DPH6: variants seen among roughly 807,000 people sequenced by gnomAD.
DPH6 encodes diphthamine biosynthesis 6, also known as diphthine--ammonia ligase.
In DPH6, 33 loss-of-function variants were observed where a neutral mutation model predicts 38.2. The ratio of observed to expected loss-of-function variants is 0.86; its 90% CI spans 0.65 to 1.15. DPH6 has a LOEUF of 1.15. Among genes scored for constraint, DPH6 ranks in the 50% most tolerant of loss-of-function variants. The pLI, the probability that DPH6 is intolerant of heterozygous loss-of-function variation, is 0.00. For missense variants in DPH6, 325 were observed against 320.0 expected (o/e 1.02, Z -0.12); for synonymous variants, 108 against 103.0 (o/e 1.05, Z -0.30).
At chr15:35,358,105 G>A (rs1309240443) in intron 3 of DPH6, among the ~76,000 whole-genome samples, 1 of 152,082 alleles carries the variant, frequency 6.6e-6, no homozygotes, top group Non-Finnish European at 1.5e-5. Flanking sequence ...CTGTGTCTTT[G>A]TTGGATTGGT....
rs952117813 is a variant in DPH6 at position 35,292,174 on chromosome 15, T to C, written n.201-71592A>G. On this transcript the variant is annotated intron_variant and non_coding_transcript_variant, in intron 3 of 3. Coordinates refer to the DPH6 transcript ENST00000560386. ...TAAATCATTTATTTTTTGATGAAAA[T>C]TTGGGAAAAAATTGCCATGCTAAAA... 5.3e-5 allele frequency among the ~76,000 whole-genome samples: 8 copies of C among 152,098 alleles called. No homozygotes were observed. In the East Asian group the frequency reaches 1.5e-3, roughly 29 times the overall value.
intron 6 of DPH6, among the ~76,000 whole-genome samples, chr15:35,386,454 A>G (rs1566890330): frequency 6.6e-6 from 1 of 151,600 alleles, no homozygotes; most frequent in Non-Finnish European, 1.5e-5. Context: ...ACTAGTTTAC[A>G]GTCCCAACAG....
chr15:35,361,867 T>C (rs543543176), intron 3 of DPH6, among the ~76,000 whole-genome samples: 2 of 151,932 alleles, frequency 1.3e-5, no homozygotes, highest in Non-Finnish European at 2.9e-5. Context: ...TAATGTTTTC[T>C]TACAGCACAT....
the DPH6 span, among the ~76,000 whole-genome samples, chr15:35,181,545 A>G: frequency 4.0e-3 from 613 of 152,036 alleles, 3 homozygotes; most frequent in Admixed American, 8.1e-3. Context: ...GACTTAATCA[A>G]TTGAGATTAT....
At chr15:35,215,169 T>G (rs1461482616), downstream of DPH6, among the ~76,000 whole-genome samples, 1 of 152,180 alleles carries the variant, frequency 6.6e-6, no homozygotes, top group Non-Finnish European at 1.5e-5. Flanking sequence ...AGTGGGCAAA[T>G]GCACAAGATA....
chr15:35,405,976 C>G (rs1197874596), intron 6 of DPH6, among the ~76,000 whole-genome samples: 2 of 151,890 alleles, frequency 1.3e-5, no homozygotes, highest in Admixed American at 1.3e-4. Context: ...CACTGGAAGA[C>G]TTTTCATTAT....
At chr15:35,290,470 A>T (rs2051973028) in intron 3 of DPH6, among the ~76,000 whole-genome samples, 1 of 152,330 alleles carries the variant, frequency 6.6e-6, no homozygotes, top group Non-Finnish European at 1.5e-5. Context: ...TTAATGAAAG[A>T]ACATGTCAGA....
chr15:35,182,777 G>C, the DPH6 span, among the ~76,000 whole-genome samples: 1 of 152,100 alleles, frequency 6.6e-6, no homozygotes, highest in Admixed American at 6.5e-5. Flanking sequence ...TAGGTTACAA[G>C]AAATTGGGTA....
chr15:35,154,441 G>A, the DPH6 span, among the ~76,000 whole-genome samples: 1 of 152,252 alleles, frequency 6.6e-6, no homozygotes, highest in Admixed American at 6.5e-5. Flanking sequence ...TCGTCGCTGT[G>A]AGGATTAAAT....
At position 35,517,417 on chromosome 15, in the gene DPH6, GA is replaced by G. The variant is rs138116127; in HGVS notation, c.312+20856del. 2.5e-3 allele frequency among the ~76,000 whole-genome samples: 377 copies of G among 152,050 alleles called. 1 individual carries two copies. Among genetic ancestry groups the G allele is most frequent in the African/African-American group, 8.5e-3 (355 of 41,524 alleles). ...CTTAGTTTGGTACTCTCATTGCAAA[GA>G]AAAAATACCTTATTCAATTTTTTTC... On this transcript the variant is annotated intron_variant, in intron 3 of 8. Coordinates refer to ENST00000256538, the MANE Select transcript of DPH6 (RefSeq NM_080650.4).
In DPH6 at chr15:35,447,404, T is replaced by C. The variant is rs540738806; in HGVS notation, c.505+3281A>G. ...GTTACAGCTCTCCACAGAACTTGAA[T>C]TCACTTATAATGCCTTTCTATCTCT... On this transcript the variant is annotated intron_variant, in intron 5 of 8. Transcript: ENST00000256538. 3.3e-5 allele frequency among the ~76,000 whole-genome samples: 5 copies of C among 152,276 alleles called. No homozygotes were observed. In the South Asian group the frequency reaches 1.0e-3, roughly 32 times the overall value.
chr15:35,520,230 CA>C (rs879230191), intron 3 of DPH6: 50 of 373,872 alleles, frequency 1.3e-4, no homozygotes, highest in Admixed American at 2.7e-4. Context: ...CAAAAAAAAA[CA>C]AAAAAAAAAC....
At chr15:35,457,198 G>A (rs981945341) in intron 3 of DPH6, among the ~76,000 whole-genome samples, 2 of 151,284 alleles carry the variant, frequency 1.3e-5, no homozygotes, top group Admixed American at 1.3e-4. Context: ...CAACTGATCT[G>A]CCCGCCTTGG....
intron 5 of DPH6, among the ~76,000 whole-genome samples, chr15:35,444,890 A>G (rs1040615883): frequency 3.7e-5 from 3 of 81,468 alleles, no homozygotes; most frequent in Non-Finnish European, 1.2e-4. Flanking sequence ...CAAGACCATT[A>G]CTAAAAATGC....
chr15:35,446,067 T>C (rs2053848382), intron 5 of DPH6, among the ~76,000 whole-genome samples: 1 of 152,160 alleles, frequency 6.6e-6, no homozygotes, highest in Non-Finnish European at 1.5e-5. Flanking sequence ...AGAAAAGTCA[T>C]GACATTATAA....
chr15:35,298,906 C>A, intron 3 of DPH6: 1 of 855,420 alleles, frequency 1.2e-6, no homozygotes, highest in Non-Finnish European at 2.0e-6. Flanking sequence ...TCTTTTACTG[C>A]CAGAGAAGTG....
the DPH6 span, among the ~76,000 whole-genome samples, chr15:35,161,231 G>A: frequency 3.2e-4 from 49 of 151,966 alleles, no homozygotes; most frequent in African/African-American, 1.1e-3. Context: ...TAGTATTCTT[G>A]TTGCCTCAGG....
intron 5 of DPH6, among the ~76,000 whole-genome samples, chr15:35,435,028 C>G (rs1239805925): frequency 6.6e-6 from 1 of 151,766 alleles, no homozygotes; most frequent in Non-Finnish European, 1.5e-5. Flanking sequence ...CCCACCTGAG[C>G]CTCCCAAAGA....
intron 3 of DPH6, among the ~76,000 whole-genome samples, chr15:35,522,708 A>C (rs1298324562): frequency 6.6e-6 from 1 of 152,096 alleles, no homozygotes; most frequent in Non-Finnish European, 1.5e-5. Flanking sequence ...TCAACAAGGA[A>C]GCTTCAAAAG....
Sources: allele counts gnomAD v4.1 joint callset (sites outside exome capture counted in the v4.1 genomes callset), GRCh38; gene constraint gnomAD v4.1.1; transcripts MANE v1.5; gene names NCBI Gene and HGNC (gene_info 2026-07-23, HGNC 2026-07-21).